The following DLGAP2 variants were observed in gnomAD, a reference collection of about 807,000 sequenced individuals.
DLGAP2 encodes the protein DLG associated protein 2.
In DLGAP2, 26 loss-of-function variants were observed where a neutral mutation model predicts 100.3. The ratio of observed to expected loss-of-function variants is 0.26; its 90% CI spans 0.19 to 0.36. The LOEUF (loss-of-function observed/expected upper bound fraction) is 0.36. Ranked by LOEUF, DLGAP2 falls within the 10% of genes least tolerant of loss-of-function variation. The probability of loss-of-function intolerance (pLI) is 1.00; values close to 1 mark genes in which losing one functional copy is unlikely to be tolerated. For missense variants in DLGAP2, 1,858 were observed against 1,453.2 expected, an observed-to-expected ratio of 1.28 and a Z score of -4.53; for synonymous variants, 886 against 630.1, an observed-to-expected ratio of 1.41 and a Z score of -6.08.
At chr8:1,349,114 G>A (rs1160929500) in intron 3 of DLGAP2, among the ~76,000 whole-genome samples, 1 of 151,470 alleles carries the variant, frequency 6.6e-6, no homozygotes, top group African/African-American at 2.4e-5. Context: ...CCGTTTTTAA[G>A]GGGCCAGCAA....
intron 3 of DLGAP2, among the ~76,000 whole-genome samples, chr8:1,358,369 CAA>C (rs953250727): frequency 3.9e-4 from 60 of 152,198 alleles, no homozygotes; most frequent in African/African-American, 1.4e-3. Context: ...ATGGACAACT[CAA>C]GAGATCTGGT....
rs555053612 is a variant in DLGAP2 at position 1,430,048 on chromosome 8, T to A, written c.107-71318T>A. 2.2e-3 allele frequency among the ~76,000 whole-genome samples: 88 copies of A among 39,326 alleles called. 4 individuals are homozygous for A. Among genetic ancestry groups the A allele is most frequent in the African/African-American group, 3.5e-3 (57 of 16,174 alleles). 25.8% of individuals were successfully genotyped at this position (39,326 alleles called of 152,430 possible). ...TATATACACACACACACATATGAAC[T>A]TAGAATTCATTTTTAGTGAGAATAA... On this transcript the variant is annotated intron_variant, in intron 3 of 14. Coordinates refer to ENST00000637795, the MANE Select transcript of DLGAP2 (RefSeq NM_001346810.2).
At chr8:1,496,004 GC>G (rs1021065258) in intron 3 of DLGAP2, among the ~76,000 whole-genome samples, 21 of 152,228 alleles carry the variant, frequency 1.4e-4, no homozygotes, top group African/African-American at 4.8e-4. Context: ...GTGACGTGGG[GC>G]CCCCGGCACG....
intron 1 of DLGAP2, among the ~76,000 whole-genome samples, chr8:745,210 C>A (rs1433117526): frequency 6.6e-6 from 1 of 152,178 alleles, no homozygotes; most frequent in Admixed American, 6.5e-5. Context: ...CATTTTGTAA[C>A]ATTCTTTGTA....
intron 2 of DLGAP2, among the ~76,000 whole-genome samples, chr8:1,078,514 A>C (rs536838779): frequency 2.6e-5 from 4 of 152,280 alleles, no homozygotes; most frequent in African/African-American, 9.6e-5. Context: ...TGGCAGCATC[A>C]CACAGAGGAG....
At chr8:1,224,711 T>C in intron 2 of DLGAP2, among the ~76,000 whole-genome samples, 1 of 152,344 alleles carries the variant, frequency 6.6e-6, no homozygotes, top group Middle Eastern at 3.4e-3. Flanking sequence ...TTATAGTGTC[T>C]ATAATAGTTG....
intron 3 of DLGAP2, among the ~76,000 whole-genome samples, chr8:1,341,337 G>T (rs140838706): frequency 6.6e-6 from 1 of 152,132 alleles, no homozygotes; most frequent in Non-Finnish European, 1.5e-5. Context: ...CAACAGAGAC[G>T]TGCAGTCCTT....
At chr8:1,253,624 G>A (rs1033481150) in intron 2 of DLGAP2, among the ~76,000 whole-genome samples, 1 of 150,110 alleles carries the variant, frequency 6.7e-6, no homozygotes, top group Non-Finnish European at 1.5e-5. Context: ...GTGGAGCTCG[G>A]GGAATGAGCC....
intron 3 of DLGAP2, among the ~76,000 whole-genome samples, chr8:1,332,031 C>G (rs765495181): frequency 1.3e-5 from 2 of 152,238 alleles, no homozygotes; most frequent in Admixed American, 1.3e-4. Flanking sequence ...CTTTCTTTTG[C>G]TGGTGAACCA....
chr8:1,307,154 G>T (rs1800510300), intron 3 of DLGAP2, among the ~76,000 whole-genome samples: 1 of 145,290 alleles, frequency 6.9e-6, no homozygotes, highest in South Asian at 2.2e-4. Context: ...ATCTGAAAAT[G>T]GACTGATACC....
At chr8:748,857 C>T (rs902597467) in intron 1 of DLGAP2, among the ~76,000 whole-genome samples, 4 of 152,338 alleles carry the variant, frequency 2.6e-5, no homozygotes, top group South Asian at 2.1e-4. Context: ...GGAGACCTTT[C>T]GTTGGCTGCC....
At chr8:1,139,635 C>T (rs1292940038) in intron 2 of DLGAP2, among the ~76,000 whole-genome samples, 1 of 152,134 alleles carries the variant, frequency 6.6e-6, no homozygotes, top group African/African-American at 2.4e-5. Flanking sequence ...GCCCACAGGT[C>T]ACTAATTAAC....
intron 2 of DLGAP2, among the ~76,000 whole-genome samples, chr8:972,486 T>G (rs1800037115): frequency 6.6e-6 from 1 of 152,208 alleles, no homozygotes; most frequent in Non-Finnish European, 1.5e-5. Flanking sequence ...AAAAACACTG[T>G]GACAGAAATG....
rs540647145 is a variant in DLGAP2, at chr8:1,430,847, C to G, written c.107-70519C>G. ...GTCTGACACATTAAATCAGGAATGGCACGGCAGCGTCTTTGATATCAGGCA... is the reference window on the plus strand; with the variant it reads ...GTCTGACACATTAAATCAGGAATGGGACGGCAGCGTCTTTGATATCAGGCA... On this transcript the variant is annotated intron_variant, in intron 3 of 14. Transcript: ENST00000637795. 1.2e-4 allele frequency among the ~76,000 whole-genome samples: 18 copies of G among 152,256 alleles called. No homozygotes were observed. The East Asian group carries it at 1.5e-3, about 13-fold the overall frequency.
At chr8:822,261 A>C in intron 1 of DLGAP2, 2 of 399,402 alleles carry the variant, frequency 5.0e-6, no homozygotes, top group Non-Finnish European at 8.8e-6. Flanking sequence ...GCATTTGCTT[A>C]CTTCCTGCTG....
At chr8:1,439,261 G>A (rs776890655) in intron 3 of DLGAP2, among the ~76,000 whole-genome samples, 1 of 152,182 alleles carries the variant, frequency 6.6e-6, no homozygotes, top group Admixed American at 6.5e-5. Context: ...CGTGGCAGCC[G>A]GGTTCTGATG....
chr8:1,416,206 C>T (rs1584876884), intron 3 of DLGAP2, among the ~76,000 whole-genome samples: 1 of 152,176 alleles, frequency 6.6e-6, no homozygotes, highest in Non-Finnish European at 1.5e-5. Flanking sequence ...TTACCAGCGT[C>T]AATACAGAGT....
chr8:1,094,129 G>T (rs1266172143), intron 2 of DLGAP2, among the ~76,000 whole-genome samples: 1 of 152,118 alleles, frequency 6.6e-6, no homozygotes, highest in African/African-American at 2.4e-5. Flanking sequence ...GAGTGGGCAG[G>T]GGGCAGTTTG....
At position 749,893 on chromosome 8, in the gene DLGAP2, G is replaced by A. The variant is rs552162968; in HGVS notation, c.18+12068G>A. On this transcript the variant is annotated intron_variant, in intron 1 of 14. Transcript: ENST00000637795. ...CTCTCCTGGCTTCTGATGGCTCCAG[G>A]CATCCTGGCTTGTGGCCTCATCACT... Among the ~76,000 whole-genome samples the A allele has an allele frequency of 2.6e-5, 4 of 152,258 alleles. No homozygotes were observed. The South Asian group carries it at 8.3e-4, about 32-fold the overall frequency.
Sources: allele counts gnomAD v4.1 joint callset (sites outside exome capture counted in the v4.1 genomes callset), GRCh38; gene constraint gnomAD v4.1.1; transcripts MANE v1.5; gene names NCBI Gene and HGNC (gene_info 2026-07-23, HGNC 2026-07-21).